IKBIP: variants seen among roughly 807,000 people sequenced by gnomAD.
IKBIP encodes the protein inhibitor of nuclear factor kappa-B kinase-interacting protein.
IKBIP carries 28 observed loss-of-function variants against 31.0 expected under a neutral mutation model. The ratio of observed to expected loss-of-function variants is 0.90; its 90% CI spans 0.67 to 1.24. IKBIP has a LOEUF of 1.24. Ranked by LOEUF, IKBIP falls within the 50% of genes most tolerant of loss-of-function variation. The probability of loss-of-function intolerance (pLI) is 0.00; values close to 1 mark genes in which losing one functional copy is unlikely to be tolerated. For synonymous variants in IKBIP, 164 were observed against 160.3 expected (o/e 1.02, Z -0.17); for missense variants, 453 against 441.9 (o/e 1.03, Z -0.23).
intron 1 of IKBIP, among the ~76,000 whole-genome samples, chr12:98,635,316 T>C (rs2097624870): frequency 6.6e-6 from 1 of 152,154 alleles, no homozygotes. Context: ...AAGGTGGTCT[T>C]GAATTCCTGG....
rs375622804 is a variant in IKBIP at position 98,613,709 on chromosome 12, G to A, written c.929C>T (p.Thr310Ile). 5 of 1,611,744 alleles carry A rather than the reference G, an allele frequency of 3.1e-6. No homozygotes were observed. The African/African-American group carries it at 6.7e-5, about 22-fold the overall frequency. Residue 310 changes from threonine (T) to isoleucine (I), a missense_variant, in exon 3 of 3, where the codon ACC (threonine) becomes ATC (isoleucine). Thr to Ile is a moderately conservative substitution (Grantham distance 89). Coordinates refer to the IKBIP transcript ENST00000342502. ...TTCTTTCTCTCTTTGTAGTAAGTCG[G>A]TAACCAATCTCCCAATGCGTAGTGT...
chr12:98,642,906 T>A (rs1400721247), intron 1 of IKBIP, among the ~76,000 whole-genome samples: 1 of 150,104 alleles, frequency 6.7e-6, no homozygotes, highest in East Asian at 2.0e-4. Flanking sequence ...GGCTGACAAT[T>A]CTATTGTTTT....
At chr12:98,613,436 C>A in exon 3 of IKBIP, 2 of 448,570 alleles carry the variant, frequency 4.5e-6, no homozygotes, top group Non-Finnish European at 7.6e-6. Flanking sequence ...GGAAAATCAA[C>A]CTGTTTTAAA....
Position 98,634,403 on chromosome 12 carries a change from G to A in IKBIP, c.190C>T (p.Gln64Ter), listed in dbSNP as rs1417500149. The part of the protein sequence containing the change: ...TCLGLAWFVF[Q>*]QSEKFAKVEN... Reference sequence around the variant, plus strand: ...ACCTTTGCAAATTTTTCTGACTGCTGAAATACAAACCTGGAAAAGAAAAGA... The same window carrying A: ...ACCTTTGCAAATTTTTCTGACTGCTAAAATACAAACCTGGAAAAGAAAAGA... The change falls in exon 2 of 3, where the codon CAG (glutamine) becomes TAG (stop). Residue 64 changes from glutamine to a stop codon, truncating the protein, a stop_gained. Coordinates refer to ENST00000299157, the MANE Select transcript of IKBIP (RefSeq NM_153687.4). LOFTEE classifies it high-confidence loss of function. The A allele has an allele frequency of 2.0e-6, 3 of 1,537,256 alleles. No homozygotes were observed. Among genetic ancestry groups the A allele is most frequent in the East Asian group, 2.3e-5 (1 of 44,366 alleles).
chr12:98,626,066 C>T lies in IKBIP; in HGVS notation c.998G>A (p.Ser333Asn), dbSNP rs1472255690. Residue 333 changes from serine to asparagine, a missense_variant, in exon 3 of 3, where the codon AGC becomes AAC. By Grantham distance (46) the Ser-to-Asn change is conservative. Transcript: ENST00000299157. ...KTLEGIQYDN[S>N]ILKMQNELDI... is the part of the protein sequence containing the mutation. ...CAGTTCATTTTGCATCTTTAATATG[C>T]TATTATCATACTGAATTCCTTCAAG... The T allele has an allele frequency of 2.5e-6, 4 of 1,595,078 alleles. No homozygotes were observed. Among genetic ancestry groups the T allele is most frequent in the Non-Finnish European group, 8.5e-7 (1 of 1,169,622 alleles).
At position 98,625,481 on chromosome 12, in the gene IKBIP, G is replaced by T; in HGVS notation, c.*449C>A. Reference sequence around the variant, plus strand: ...TAAGAAAGTGAACTGGCTGAGGCAGGCACATTACCAACCAACCTGACAGTA... The same window carrying T: ...TAAGAAAGTGAACTGGCTGAGGCAGTCACATTACCAACCAACCTGACAGTA... On this transcript the variant is annotated 3_prime_UTR_variant, in exon 3 of 3. Coordinates refer to ENST00000299157, the MANE Select transcript of IKBIP (RefSeq NM_153687.4). 4.9e-6 allele frequency: 1 copy of T among 202,590 alleles called. No homozygotes were observed. The highest frequency in any genetic ancestry group is 8.8e-6 in the Non-Finnish European group (1 of 114,124). 12.5% of individuals were successfully genotyped at this position (202,590 alleles called of 1,614,324 possible).
chr12:98,619,796 T>C (rs991322954), downstream of IKBIP, among the ~76,000 whole-genome samples: 1 of 144,922 alleles, frequency 6.9e-6, no homozygotes, highest in Non-Finnish European at 1.5e-5. Context: ...GGCTTGATCC[T>C]GGGAGGCAGA....
At chr12:98,614,547 C>T (rs904253812) in intron 2 of IKBIP, among the ~76,000 whole-genome samples, 1 of 152,096 alleles carries the variant, frequency 6.6e-6, no homozygotes, top group Non-Finnish European at 1.5e-5. Context: ...GACTCAGCCT[C>T]CCAAGTAGCT....
intron 2 of IKBIP, among the ~76,000 whole-genome samples, chr12:98,617,354 T>C (rs1201898399): frequency 6.6e-6 from 1 of 152,258 alleles, no homozygotes; most frequent in Non-Finnish European, 1.5e-5. Context: ...TCACCTTGAT[T>C]TAACTTGGAC....
chr12:98,623,412 T>C (rs2097611592), downstream of IKBIP, among the ~76,000 whole-genome samples: 1 of 148,460 alleles, frequency 6.7e-6, no homozygotes, highest in Non-Finnish European at 1.5e-5. Flanking sequence ...GGATGCGCTT[T>C]TTTTTGACTT....
At chr12:98,622,883 T>G (rs1374097263), downstream of IKBIP, among the ~76,000 whole-genome samples, 1 of 144,802 alleles carries the variant, frequency 6.9e-6, no homozygotes, top group African/African-American at 2.9e-5. Context: ...AAGGCAATAT[T>G]ACATTTAAAA....
chr12:98,624,272 C>T lies in IKBIP; in HGVS notation c.*1658G>A. ...GCTTACTTTATAATCTATTTTATTA[C>T]CATTAATATAAAAGTAAACAAATAG... On this transcript the variant is annotated 3_prime_UTR_variant, in exon 3 of 3. Transcript: ENST00000299157. The T allele has an allele frequency of 2.1e-6, 2 of 968,850 alleles. No individual in the cohort carries two copies. Among genetic ancestry groups the T allele is most frequent in the Non-Finnish European group, 2.5e-6 (2 of 814,918 alleles). 60.0% of individuals were successfully genotyped at this position (968,850 alleles called of 1,614,324 possible). A position where few individuals can be genotyped will look rare whatever the true frequency, so the allele number is the denominator to read the frequency against.
intron 1 of IKBIP, among the ~76,000 whole-genome samples, chr12:98,640,299 T>G (rs2097629278): frequency 3.9e-5 from 6 of 152,040 alleles, no homozygotes; most frequent in Admixed American, 3.9e-4. Context: ...CTGGGCGTGG[T>G]GGCGCACACC....
chr12:98,618,086 T>C (rs1030402605), intron 2 of IKBIP, among the ~76,000 whole-genome samples: 2 of 152,116 alleles, frequency 1.3e-5, no homozygotes, highest in Non-Finnish European at 2.9e-5. Context: ...ATAAAAAAGC[T>C]TGAGTCCAGG....
rs112130976 is a variant in IKBIP, at chr12:98,617,307, C to A, written c.298-2967G>T. On this transcript the variant is annotated intron_variant, in intron 2 of 2. Transcript: ENST00000342502. ...TGTATGTTTCAATGTCATCCTTCTT[C>A]CCCACTATACATTATGAACTGAAAG... is the stretch of plus-strand genomic sequence containing the variant. 7.2e-4 allele frequency among the ~76,000 whole-genome samples: 109 copies of A among 152,318 alleles called. 1 individual carries two copies. Among genetic ancestry groups the A allele is most frequent in the African/African-American group, 2.5e-3 (102 of 41,572 alleles).
chr12:98,625,826 T>C lies in IKBIP; in HGVS notation c.*104A>G, dbSNP rs1227987689. ...ATTTGTGTGGACATCTCATTTATTT[T>C]CCAATAATGTAGGATAAGATGAGGC... On this transcript the variant is annotated 3_prime_UTR_variant, in exon 3 of 3. Coordinates refer to ENST00000299157, the MANE Select transcript of IKBIP (RefSeq NM_153687.4). 2 of 965,348 alleles carry C rather than the reference T, an allele frequency of 2.1e-6. No individual in the cohort carries two copies. The highest frequency in any genetic ancestry group is 8.3e-5 in the South Asian group (2 of 24,048). The allele number at this position is 965,348 out of a possible 1,614,324, so 59.8% of individuals were successfully genotyped here.
downstream of IKBIP, among the ~76,000 whole-genome samples, chr12:98,623,287 C>G (rs1865385763): frequency 6.6e-6 from 1 of 150,752 alleles, no homozygotes; most frequent in Non-Finnish European, 1.5e-5. Flanking sequence ...TGATCCAGTA[C>G]TGTTATGCTT....
At chr12:98,613,648 T>G (rs1327742054) in exon 3 of IKBIP, 3 of 1,574,752 alleles carry the variant, frequency 1.9e-6, no homozygotes, top group African/African-American at 1.4e-5. Flanking sequence ...CTTGGACTAT[T>G]GTTAAATTAG....
chr12:98,633,472 T>C (rs1391000201), intron 2 of IKBIP, among the ~76,000 whole-genome samples: 1 of 151,224 alleles, frequency 6.6e-6, no homozygotes, highest in Non-Finnish European at 1.5e-5. Context: ...ACAGGACAAA[T>C]AGTTACTTTT....
Sources: gnomAD v4.1 joint callset for allele counts (sites outside exome capture counted in the v4.1 genomes callset) on GRCh38, gnomAD v4.1.1 for gene constraint, MANE v1.5 for transcripts, NCBI Gene and HGNC (gene_info 2026-07-23, HGNC 2026-07-21) for gene names.